The following PTPRD variants were observed in gnomAD, a reference collection of about 807,000 sequenced individuals.
PTPRD encodes protein tyrosine phosphatase receptor type D, also known as receptor-type tyrosine-protein phosphatase delta.
Under a neutral mutation model 214.5 loss-of-function variants are expected in PTPRD, and 34 were observed. The ratio of observed to expected loss-of-function variants is 0.16; its 90% CI spans 0.12 to 0.21. The LOEUF is 0.21. PTPRD is among the 10% of genes least tolerant of loss of function. PTPRD has a pLI of 1.00. For synonymous variants in PTPRD, 1,128 were observed against 845.7 expected (o/e 1.33, Z -5.79); for missense variants, 2,545 against 2,398.7 (o/e 1.06, Z -1.27).
intron 9 of PTPRD, among the ~76,000 whole-genome samples, chr9:9,198,651 C>CA (rs2099940068): frequency 1.3e-5 from 2 of 152,256 alleles, no homozygotes; most frequent in African/African-American, 4.8e-5. Context: ...AGCTCAAATG[C>CA]AAACTTAGGA....
intron 5 of PTPRD, among the ~76,000 whole-genome samples, chr9:9,843,076 G>C (rs770899277): frequency 1.8e-4 from 28 of 152,142 alleles, no homozygotes; most frequent in Non-Finnish European, 2.9e-4. Context: ...AGCTATGTTT[G>C]AATATTTTCC....
intron 2 of PTPRD, among the ~76,000 whole-genome samples, chr9:10,595,909 G>T (rs113495003): frequency 6.6e-6 from 1 of 151,632 alleles, no homozygotes; most frequent in Non-Finnish European, 1.5e-5. Context: ...CAAAGACTGC[G>T]ATCTAAAAGA....
chr9:8,348,396 G>C (rs1564156248), intron 39 of PTPRD, among the ~76,000 whole-genome samples: 1 of 152,054 alleles, frequency 6.6e-6, no homozygotes, highest in Non-Finnish European at 1.5e-5. Context: ...CCCTTTGTGG[G>C]TTTCTTTTTT....
chr9:9,830,872 A>AT (rs200441334), intron 5 of PTPRD, among the ~76,000 whole-genome samples: 297 of 151,102 alleles, frequency 2.0e-3, no homozygotes, highest in African/African-American at 5.9e-3. Flanking sequence ...CTACTTAATT[A>AT]TTTTTTTTTA....
At chr9:8,455,426 G>C (rs2096152359) in intron 33 of PTPRD, among the ~76,000 whole-genome samples, 1 of 152,166 alleles carries the variant, frequency 6.6e-6, no homozygotes, top group Non-Finnish European at 1.5e-5. Flanking sequence ...TATTTCTGCA[G>C]AGTATAACCT....
intron 2 of PTPRD, among the ~76,000 whole-genome samples, chr9:10,373,113 T>C (rs2097661693): frequency 1.3e-5 from 2 of 150,090 alleles, no homozygotes; most frequent in African/African-American, 4.9e-5. Context: ...GATTACAGCT[T>C]GAGTCACTGT....
rs563250693 is a variant in PTPRD at position 9,786,717 on chromosome 9, A to G, written c.-367-19866T>C. On this transcript the variant is annotated intron_variant, in intron 5 of 45. Transcript: ENST00000381196. ...CAGCACACCAACATGGCACATGTAC[A>G]CATACGTAACAAACCTGCATGTTGT... Among the ~76,000 whole-genome samples the G allele has an allele frequency of 5.9e-5, 9 of 152,354 alleles. No homozygotes were observed. The South Asian group carries it at 1.7e-3, about 28-fold the overall frequency.
At chr9:9,584,851 A>G (rs565066699) in intron 7 of PTPRD, among the ~76,000 whole-genome samples, 1 of 151,952 alleles carries the variant, frequency 6.6e-6, no homozygotes, top group Non-Finnish European at 1.5e-5. Flanking sequence ...CTGAGTCTTC[A>G]AGCTTTATTT....
At chr9:9,288,602 G>T (rs1950225369) in intron 9 of PTPRD, among the ~76,000 whole-genome samples, 1 of 151,720 alleles carries the variant, frequency 6.6e-6, no homozygotes, top group South Asian at 2.1e-4. Context: ...TTGAATCAAG[G>T]TATCTGTATT....
At chr9:8,326,543 G>C (rs887380507) in intron 44 of PTPRD, among the ~76,000 whole-genome samples, 1 of 151,416 alleles carries the variant, frequency 6.6e-6, no homozygotes, top group Non-Finnish European at 1.5e-5. Context: ...TTTTTGTTGT[G>C]TCTCTGCCAG....
chr9:10,594,095 T>C (rs1276053895), intron 2 of PTPRD, among the ~76,000 whole-genome samples: 1 of 152,034 alleles, frequency 6.6e-6, no homozygotes, highest in Non-Finnish European at 1.5e-5. Context: ...TTAAATCATT[T>C]ATTTCAGTTG....
chr9:10,489,095 T>A (rs1356142992), intron 2 of PTPRD, among the ~76,000 whole-genome samples: 1 of 151,794 alleles, frequency 6.6e-6, no homozygotes, highest in Non-Finnish European at 1.5e-5. Context: ...AGTCTAAGAG[T>A]CTCACCCAAA....
chr9:10,095,422 A>G (rs997351768), intron 3 of PTPRD, among the ~76,000 whole-genome samples: 1 of 151,498 alleles, frequency 6.6e-6, no homozygotes, highest in African/African-American at 2.4e-5. Context: ...CCTGCATGTC[A>G]TCTCTGATAC....
chr9:9,899,856 AGTCTT>A (rs2075972359), intron 5 of PTPRD, among the ~76,000 whole-genome samples: 1 of 152,128 alleles, frequency 6.6e-6, no homozygotes, highest in African/African-American at 2.4e-5. Flanking sequence ...ATGGAACACT[AGTCTT>A]AAGAAAGAAA....
intron 8 of PTPRD, among the ~76,000 whole-genome samples, chr9:9,559,761 C>T (rs539585319): frequency 1.4e-3 from 220 of 152,272 alleles, no homozygotes; most frequent in African/African-American, 4.9e-3. Flanking sequence ...TCAAGTGGTC[C>T]AGCAAGTCTG....
intron 14 of PTPRD, among the ~76,000 whole-genome samples, chr9:8,532,832 A>G (rs2076056712): frequency 6.6e-6 from 1 of 152,074 alleles, no homozygotes; most frequent in African/African-American, 2.4e-5. Flanking sequence ...ACCTGGAAAT[A>G]TAGCACCCTC....
chr9:8,335,521 C>T (rs146030211), intron 43 of PTPRD, among the ~76,000 whole-genome samples: 2,087 of 152,272 alleles, frequency 0.014, 36 homozygotes, highest in African/African-American at 0.046. Context: ...TTATGATAAA[C>T]GCACAGCCAC....
intron 37 of PTPRD, among the ~76,000 whole-genome samples, chr9:8,384,062 A>G (rs747014229): frequency 1.3e-4 from 20 of 152,292 alleles, no homozygotes; most frequent in Non-Finnish European, 2.8e-4. Context: ...CACACACTAA[A>G]TAATAATTTA....
chr9:10,108,092 G>A (rs2098652863), intron 3 of PTPRD, among the ~76,000 whole-genome samples: 1 of 152,028 alleles, frequency 6.6e-6, no homozygotes, highest in Non-Finnish European at 1.5e-5. Flanking sequence ...ATCTGTGGGT[G>A]TCCAATCAAC....
Sources: allele counts gnomAD v4.1 joint callset (sites outside exome capture counted in the v4.1 genomes callset), GRCh38; gene constraint gnomAD v4.1.1; transcripts MANE v1.5; gene names NCBI Gene and HGNC (gene_info 2026-07-23, HGNC 2026-07-21).